ENTREP2: variants seen among roughly 807,000 people sequenced by gnomAD.
ENTREP2 encodes protein ENTREP2.
the ENTREP2 span, among the ~76,000 whole-genome samples, chr15:29,626,890 TA>T: frequency 8.5e-3 from 1,292 of 152,216 alleles, 9 homozygotes; most frequent in African/African-American, 0.017. Context: ...ACAAATACAA[TA>T]AAAAAACAAA....
chr15:29,143,593 C>T, the ENTREP2 span, among the ~76,000 whole-genome samples: 1 of 152,208 alleles, frequency 6.6e-6, no homozygotes, highest in Admixed American at 6.5e-5. Flanking sequence ...GCTCGGGGGG[C>T]TTCCCACAGG....
At chr15:29,480,091 T>A in the ENTREP2 span, among the ~76,000 whole-genome samples, 1 of 152,162 alleles carries the variant, frequency 6.6e-6, no homozygotes, top group Admixed American at 6.5e-5. Context: ...TAGTCCCAGA[T>A]AATACACCTC....
the ENTREP2 span, among the ~76,000 whole-genome samples, chr15:29,212,895 G>A: frequency 6.6e-6 from 1 of 152,206 alleles, no homozygotes; most frequent in African/African-American, 2.4e-5. Flanking sequence ...TATTGTCTAG[G>A]TTTTCTTCTA....
At chr15:29,448,742 C>T in the ENTREP2 span, among the ~76,000 whole-genome samples, 5 of 152,300 alleles carry the variant, frequency 3.3e-5, no homozygotes, top group African/African-American at 1.2e-4. Context: ...CACATCACAT[C>T]GGTAGAGATG....
the ENTREP2 span, among the ~76,000 whole-genome samples, chr15:29,367,960 A>G: frequency 3.3e-5 from 5 of 150,062 alleles, no homozygotes; most frequent in African/African-American, 1.2e-4. Flanking sequence ...AAAAAAAAAA[A>G]GAGAAATATG....
chr15:29,378,540 A>G, the ENTREP2 span, among the ~76,000 whole-genome samples: 2 of 152,202 alleles, frequency 1.3e-5, no homozygotes, highest in African/African-American at 4.8e-5. Context: ...GTGGGCTGCA[A>G]CCAGTCAGTG....
At chr15:29,275,175 G>T in the ENTREP2 span, among the ~76,000 whole-genome samples, 1 of 152,160 alleles carries the variant, frequency 6.6e-6, no homozygotes, top group Non-Finnish European at 1.5e-5. Flanking sequence ...AGCATATTCT[G>T]CCATCCTTCA....
At chr15:29,196,310 G>A in the ENTREP2 span, 5 of 1,058,576 alleles carry the variant, frequency 4.7e-6, no homozygotes, top group Admixed American at 1.2e-4. Flanking sequence ...ATTCCCTCTT[G>A]CACTGAACCT....
the ENTREP2 span, among the ~76,000 whole-genome samples, chr15:29,207,124 A>G: frequency 2.6e-5 from 4 of 152,112 alleles, no homozygotes; most frequent in Non-Finnish European, 5.9e-5. Context: ...CAGAGCATCA[A>G]GGACTGGGCA....
the ENTREP2 span, among the ~76,000 whole-genome samples, chr15:29,418,193 T>C: frequency 6.6e-6 from 1 of 152,290 alleles, no homozygotes; most frequent in Middle Eastern, 3.4e-3. Flanking sequence ...AAACCAAACC[T>C]TTTATCCAGC....
the ENTREP2 span, among the ~76,000 whole-genome samples, chr15:29,508,281 C>T: frequency 6.6e-6 from 1 of 152,122 alleles, no homozygotes; most frequent in Non-Finnish European, 1.5e-5. Flanking sequence ...AAAAAAAGCC[C>T]AGGACCAGAT....
the ENTREP2 span, among the ~76,000 whole-genome samples, chr15:29,345,671 G>T: frequency 6.6e-6 from 1 of 151,636 alleles, no homozygotes; most frequent in African/African-American, 2.4e-5. Context: ...ACCCCCCAGG[G>T]ATTCCTTCTC....
At chr15:29,484,798 G>A in the ENTREP2 span, among the ~76,000 whole-genome samples, 1 of 152,106 alleles carries the variant, frequency 6.6e-6, no homozygotes, top group Non-Finnish European at 1.5e-5. Flanking sequence ...AAGAACTTAA[G>A]TCACAAAGTA....
the ENTREP2 span, among the ~76,000 whole-genome samples, chr15:29,585,363 G>GA: frequency 6.6e-6 from 1 of 151,896 alleles, no homozygotes; most frequent in Non-Finnish European, 1.5e-5. Context: ...TGAAACCCTC[G>GA]AAAAAAAGAA....
the ENTREP2 span, among the ~76,000 whole-genome samples, chr15:29,239,040 A>C: frequency 1.3e-5 from 2 of 152,092 alleles, no homozygotes; most frequent in African/African-American, 4.8e-5. Flanking sequence ...TTGTTTTTTG[A>C]AAAAAATCTA....
the ENTREP2 span, among the ~76,000 whole-genome samples, chr15:29,351,858 C>A: frequency 6.6e-6 from 1 of 151,678 alleles, no homozygotes; most frequent in African/African-American, 2.4e-5. Context: ...CACTTTGTTG[C>A]CAACTCTTGG....
the ENTREP2 span, chr15:29,137,069 TG>T: frequency 6.9e-7 from 1 of 1,456,334 alleles, no homozygotes; most frequent in South Asian, 1.5e-5. Flanking sequence ...AGGTGTACTC[TG>T]GGGGGTAATA....
At chr15:29,152,326 T>C in the ENTREP2 span, among the ~76,000 whole-genome samples, 1 of 152,204 alleles carries the variant, frequency 6.6e-6, no homozygotes, top group Non-Finnish European at 1.5e-5. Flanking sequence ...AGCCAGATAC[T>C]GACATTGGTA....
At chr15:29,462,610 C>T in the ENTREP2 span, among the ~76,000 whole-genome samples, 1 of 148,234 alleles carries the variant, frequency 6.7e-6, no homozygotes, top group Non-Finnish European at 1.5e-5. Context: ...AATTCGATCT[C>T]AAAACTAATA....
Sources: gnomAD v4.1 joint callset for allele counts (sites outside exome capture counted in the v4.1 genomes callset) on GRCh38, gnomAD v4.1.1 for gene constraint, MANE v1.5 for transcripts, NCBI Gene and HGNC (gene_info 2026-07-23, HGNC 2026-07-21) for gene names.